Variants in NOX3 observed in about 807,000 individuals in gnomAD.
NOX3 encodes NADPH oxidase 3, also known as NADPH oxidase catalytic subunit-like 3.
A neutral mutation model predicts 76.7 loss-of-function variants in NOX3; 74 were observed. The observed-to-expected ratio is 0.96, with a 90% CI of 0.80 to 1.17. The LOEUF is 1.17. Ranked by LOEUF, NOX3 falls within the 50% of genes most tolerant of loss-of-function variation. The pLI is 0.00. For synonymous variants in NOX3, 263 were observed against 261.1 expected (o/e 1.01, Z -0.07); for missense variants, 695 against 703.3 (o/e 0.99, Z 0.13).
At chr6:155,421,353 A>G (rs1183438202) in intron 10 of NOX3, among the ~76,000 whole-genome samples, 1 of 152,194 alleles carries the variant, frequency 6.6e-6, no homozygotes, top group Non-Finnish European at 1.5e-5. Flanking sequence ...AAATGAGAAA[A>G]TGTATGTCAA....
At chr6:155,408,580 A>T (rs116812966) in intron 11 of NOX3, among the ~76,000 whole-genome samples, 1,744 of 152,198 alleles carry the variant, frequency 0.011, 29 homozygotes, top group African/African-American at 0.039. Context: ...AAATAGTGGA[A>T]GTGTCCCAAC....
chr6:155,431,026 G>A, intron 7 of NOX3, 91 bp from the exon 8 acceptor site: 1 of 783,438 alleles, frequency 1.3e-6, no homozygotes, highest in Non-Finnish European at 2.1e-6. Flanking sequence ...ACAACATGAT[G>A]GGGATTAGAT....
At position 155,447,048 on chromosome 6, in the gene NOX3, CT is replaced by C. The variant is rs34046104; in HGVS notation, c.341-3631del. Among the ~76,000 whole-genome samples the C allele has an allele frequency of 4.6e-3, 661 of 143,680 alleles. 1 individual carries two copies. Among genetic ancestry groups the C allele is most frequent in the African/African-American group, 8.1e-3 (319 of 39,350 alleles). 94.3% of individuals were successfully genotyped at this position (143,680 alleles called of 152,430 possible). ...CAGGATAAGTTTTTATATTTTATAACTTTTTTTTTTTTTTTGAGACAGAGTC... is the reference window on the plus strand; with the variant it reads ...CAGGATAAGTTTTTATATTTTATAACTTTTTTTTTTTTTTGAGACAGAGTC... On this transcript the variant is annotated intron_variant, in intron 4 of 13. Transcript: ENST00000159060.
intron 4 of NOX3, among the ~76,000 whole-genome samples, chr6:155,452,323 C>T (rs1031993578): frequency 6.6e-6 from 1 of 152,184 alleles, no homozygotes; most frequent in African/African-American, 2.4e-5. Context: ...GTTATTGGTG[C>T]CTACGCATAC....
intron 12 of NOX3, among the ~76,000 whole-genome samples, chr6:155,403,886 T>C (rs1779266658): frequency 6.6e-6 from 1 of 152,064 alleles, no homozygotes; most frequent in African/African-American, 2.4e-5. Context: ...TTAAAGGCCT[T>C]CCGCACTGGG....
rs1779221726 is a variant in NOX3 at position 155,401,231 on chromosome 6, G to C, written c.1581-4269C>G. 2.0e-5 allele frequency among the ~76,000 whole-genome samples: 3 copies of C among 152,078 alleles called. No homozygotes were observed. In the South Asian group the frequency reaches 6.2e-4, roughly 32 times the overall value. On this transcript the variant is annotated intron_variant, in intron 12 of 13. Coordinates refer to ENST00000159060, the MANE Select transcript of NOX3 (RefSeq NM_015718.3). ...TGGAGTAATTTCAGCAATTTTTATT[G>C]AATCTTCACTTGGGTCTAACCAGAG...
intron 12 of NOX3, among the ~76,000 whole-genome samples, chr6:155,399,584 A>C (rs901484384): frequency 1.1e-4 from 17 of 152,176 alleles, no homozygotes; most frequent in African/African-American, 3.9e-4. Context: ...CACTGTCCCC[A>C]CAGACAGCAC....
intron 4 of NOX3, among the ~76,000 whole-genome samples, chr6:155,446,663 G>T (rs1173321487): frequency 6.6e-6 from 1 of 152,144 alleles, no homozygotes; most frequent in Admixed American, 6.5e-5. Context: ...TTGAAAACTA[G>T]TTTTTTCTAT....
At chr6:155,450,671 T>C (rs1777122117) in intron 4 of NOX3, among the ~76,000 whole-genome samples, 1 of 152,100 alleles carries the variant, frequency 6.6e-6, no homozygotes, top group Admixed American at 6.5e-5. Context: ...TGGCCATATC[T>C]CACCCATTTA....
At chr6:155,422,643 G>C in intron 10 of NOX3, 51 bp downstream of exon 10, 2 of 1,559,332 alleles carry the variant, frequency 1.3e-6, no homozygotes, top group Non-Finnish European at 1.8e-6. Flanking sequence ...TAGATATAAG[G>C]ACATTGAACC....
At chr6:155,404,599 C>T (rs750018448) in intron 12 of NOX3, among the ~76,000 whole-genome samples, 4 of 152,270 alleles carry the variant, frequency 2.6e-5, no homozygotes, top group South Asian at 4.2e-4. Flanking sequence ...TGGTCCACGC[C>T]CTCCCTCCCC....
chr6:155,431,413 A>AACACACACACAC (rs61041630), intron 7 of NOX3, among the ~76,000 whole-genome samples: 6,925 of 144,642 alleles, frequency 0.048, 575 homozygotes, highest in East Asian at 0.43. Context: ...TAAACACAGA[A>AACACACACACAC]ACACACACAC....
At chr6:155,435,261 C>T (rs1205772197) in intron 7 of NOX3, among the ~76,000 whole-genome samples, 1 of 152,056 alleles carries the variant, frequency 6.6e-6, no homozygotes, top group Non-Finnish European at 1.5e-5. Flanking sequence ...AGGCCCTGGT[C>T]TGTATTCATG....
At chr6:155,418,203 T>C (rs1334798911) in intron 10 of NOX3, among the ~76,000 whole-genome samples, 1 of 152,202 alleles carries the variant, frequency 6.6e-6, no homozygotes, top group East Asian at 1.9e-4. Flanking sequence ...TTTGACAGTT[T>C]GCACAAGCAA....
chr6:155,430,318 G>T (rs776476614), intron 8 of NOX3, among the ~76,000 whole-genome samples: 1 of 152,064 alleles, frequency 6.6e-6, no homozygotes, highest in Non-Finnish European at 1.5e-5. Flanking sequence ...CCAGGAGCAT[G>T]CTGCTCATGA....
chr6:155,435,103 C>T (rs1008052630), intron 7 of NOX3, among the ~76,000 whole-genome samples: 4 of 152,070 alleles, frequency 2.6e-5, no homozygotes, highest in African/African-American at 4.8e-5. Context: ...AGCCCACACA[C>T]GCTTTGAATC....
chr6:155,444,655 C>T (rs1178010990), intron 4 of NOX3, among the ~76,000 whole-genome samples: 2 of 152,314 alleles, frequency 1.3e-5, no homozygotes, highest in African/African-American at 4.8e-5. Context: ...CGCTGTCACA[C>T]CTCAAACTGC....
At chr6:155,427,036 G>A (rs1330220945) in intron 9 of NOX3, among the ~76,000 whole-genome samples, 2 of 82,806 alleles carry the variant, frequency 2.4e-5, no homozygotes, top group African/African-American at 4.7e-5. Flanking sequence ...TGTGCTGGGG[G>A]GGTTGGTGAG....
chr6:155,447,414 G>A (rs1441680438), intron 4 of NOX3, among the ~76,000 whole-genome samples: 3 of 152,196 alleles, frequency 2.0e-5, no homozygotes, highest in African/African-American at 7.2e-5. Flanking sequence ...ATTTCCACAT[G>A]AGAATTTGAC....
Sources: gnomAD v4.1 joint callset for allele counts (sites outside exome capture counted in the v4.1 genomes callset) on GRCh38, gnomAD v4.1.1 for gene constraint, MANE v1.5 for transcripts, NCBI Gene and HGNC (gene_info 2026-07-23, HGNC 2026-07-21) for gene names.